The following TMEM161B variants were observed in gnomAD, a reference collection of about 807,000 sequenced individuals.
TMEM161B encodes the protein transmembrane protein 161B.
Under a neutral mutation model 61.8 loss-of-function variants are expected in TMEM161B, and 34 were observed. That is an observed-to-expected ratio of 0.55 (90% CI 0.42 to 0.73). TMEM161B has a LOEUF of 0.73. Ranked by LOEUF, TMEM161B falls within the 30% of genes least tolerant of loss-of-function variation. The pLI is 0.00. For synonymous variants in TMEM161B, 167 were observed against 192.8 expected (o/e 0.87, Z 1.11); for missense variants, 456 against 558.5 (o/e 0.82, Z 1.85).
At position 88,197,682 on chromosome 5, in the gene TMEM161B, A is replaced by G; in HGVS notation, c.1173T>C (p.Leu391=). Residue 391 remains leucine (L), a synonymous_variant, in exon 11 of 12, where the codon CTT becomes CTC. Transcript: ENST00000296595. ...GGGCATGCCTACCTAGTGTTTTCAA[A>G]AGCAGAGTTGTGTGAAGCAGCATTA... ...PLVMLLHTTL[L]LKTLGNHSWG... is the part of the protein sequence containing the mutation. The G allele has an allele frequency of 6.2e-7, 1 of 1,612,630 alleles. No individual in the cohort carries two copies. Among genetic ancestry groups the G allele is most frequent in the Non-Finnish European group, 8.5e-7 (1 of 1,179,038 alleles).
chr5:88,196,995 A>C (rs188347497), intron 11 of TMEM161B, among the ~76,000 whole-genome samples: 1 of 152,208 alleles, frequency 6.6e-6, no homozygotes, highest in Admixed American at 6.6e-5. Context: ...TGAACTACCT[A>C]TCCCTTTACA....
chr5:88,241,113 A>G (rs1752663709), intron 1 of TMEM161B, among the ~76,000 whole-genome samples, 197 bp from the exon 2 acceptor site: 1 of 151,916 alleles, frequency 6.6e-6, no homozygotes, highest in African/African-American at 2.4e-5. Flanking sequence ...ATACAGTAAA[A>G]AATAATACAA....
intron 1 of TMEM161B, among the ~76,000 whole-genome samples, chr5:88,251,983 G>C (rs1754393959): frequency 6.6e-6 from 1 of 152,168 alleles, no homozygotes; most frequent in African/African-American, 2.4e-5. Context: ...TACTATAAAA[G>C]AATTTGTCTT....
chr5:88,211,110 C>G (rs1746632397), intron 5 of TMEM161B, among the ~76,000 whole-genome samples: 1 of 151,478 alleles, frequency 6.6e-6, no homozygotes, highest in East Asian at 2.0e-4. Context: ...TTAGATGTAT[C>G]TAATACATCG....
At chr5:88,227,897 C>T (rs1283040897) in intron 3 of TMEM161B, among the ~76,000 whole-genome samples, 1 of 152,148 alleles carries the variant, frequency 6.6e-6, no homozygotes, top group African/African-American at 2.4e-5. Context: ...GTTTTGTTTA[C>T]TCTGTCCAAG....
chr5:88,254,851 T>C (rs1373956089), intron 1 of TMEM161B, among the ~76,000 whole-genome samples: 2 of 147,592 alleles, frequency 1.4e-5, no homozygotes, highest in Non-Finnish European at 3.0e-5. Context: ...GTAAAAAAAA[T>C]TTTAAGGGAA....
intron 1 of TMEM161B, among the ~76,000 whole-genome samples, chr5:88,248,162 C>T (rs192704679): frequency 2.0e-5 from 3 of 152,086 alleles, no homozygotes; most frequent in East Asian, 3.9e-4. Context: ...CCTGGGTCCC[C>T]AAAAGACAGA....
chr5:88,215,650 TA>T (rs1186059519), intron 5 of TMEM161B, among the ~76,000 whole-genome samples: 1 of 152,206 alleles, frequency 6.6e-6, no homozygotes. Flanking sequence ...GCCAGCGAGC[TA>T]CAGGATTCCT....
At chr5:88,244,784 C>A (rs926241715) in intron 1 of TMEM161B, among the ~76,000 whole-genome samples, 4 of 151,602 alleles carry the variant, frequency 2.6e-5, no homozygotes, top group Non-Finnish European at 5.9e-5. Context: ...GCATGGAATT[C>A]TTTTCCATTT....
downstream of TMEM161B, chr5:88,189,625 C>T (rs1425650549): frequency 6.3e-6 from 1 of 157,802 alleles, no homozygotes; most frequent in Admixed American, 6.4e-5. Flanking sequence ...GCTAACAGGG[C>T]ATCTCTCATT....
chr5:88,208,491 A>C (rs1746013246), intron 5 of TMEM161B, among the ~76,000 whole-genome samples: 1 of 151,918 alleles, frequency 6.6e-6, no homozygotes. Flanking sequence ...CCAAAAAAAA[A>C]ATTAGCCGGG....
At chr5:88,265,144 C>T (rs938803027) in intron 1 of TMEM161B, among the ~76,000 whole-genome samples, 5 of 152,154 alleles carry the variant, frequency 3.3e-5, no homozygotes, top group African/African-American at 9.6e-5. Context: ...CTTTATGCTA[C>T]CCCAAATTAT....
At chr5:88,190,009 C>T (rs986890965) in exon 13 of TMEM161B, 2 of 698,134 alleles carry the variant, frequency 2.9e-6, no homozygotes, top group African/African-American at 3.5e-5. Flanking sequence ...AGCCCATTAT[C>T]TGAGCCGATC....
At chr5:88,258,974 C>T (rs1755342904) in intron 1 of TMEM161B, among the ~76,000 whole-genome samples, 1 of 152,156 alleles carries the variant, frequency 6.6e-6, no homozygotes, top group South Asian at 2.1e-4. Context: ...GTATCAAGTA[C>T]TCACGGCATT....
Position 88,195,205 on chromosome 5 carries a change from C to T in TMEM161B, c.*1006G>A. The T allele has an allele frequency of 1.0e-6, 1 of 983,228 alleles. No homozygotes were observed. The highest frequency in any genetic ancestry group is 1.2e-6 in the Non-Finnish European group (1 of 827,758). The allele number at this position is 983,228 out of a possible 1,614,324, so 60.9% of individuals were successfully genotyped here. On this transcript the variant is annotated 3_prime_UTR_variant, in exon 12 of 12. Coordinates refer to ENST00000296595, the MANE Select transcript of TMEM161B (RefSeq NM_153354.5). The stretch of plus-strand genomic sequence containing the variant: ...CAACACAAATAAATTGCTTACTCTG[C>T]TGAACTTTCAAAATGTATTTTAATC...
chr5:88,186,627 T>C (rs1748369951), downstream of TMEM161B, among the ~76,000 whole-genome samples: 2 of 152,118 alleles, frequency 1.3e-5, no homozygotes, highest in African/African-American at 4.8e-5. Context: ...AATCTTTTAT[T>C]ATTAAAAACC....
chr5:88,198,919 T>A, intron 10 of TMEM161B, 57 bp downstream of exon 10: 1 of 1,493,690 alleles, frequency 6.7e-7, no homozygotes, highest in Non-Finnish European at 9.0e-7. Flanking sequence ...CAATTTTTTT[T>A]TTTTTTTACA....
intron 7 of TMEM161B, 83 bp downstream of exon 7, chr5:88,206,356 A>T: frequency 8.6e-7 from 1 of 1,166,234 alleles, no homozygotes; most frequent in Admixed American, 2.7e-5. Flanking sequence ...TACTAATTTA[A>T]AACAGCTATT....
intron 1 of TMEM161B, among the ~76,000 whole-genome samples, chr5:88,247,763 C>A (rs1408072983): frequency 6.6e-6 from 1 of 152,068 alleles, no homozygotes; most frequent in Non-Finnish European, 1.5e-5. Context: ...CAACAAACAT[C>A]ACTCAACTAC....
Sources: allele counts gnomAD v4.1 joint callset (sites outside exome capture counted in the v4.1 genomes callset), GRCh38; gene constraint gnomAD v4.1.1; transcripts MANE v1.5; gene names NCBI Gene and HGNC (gene_info 2026-07-23, HGNC 2026-07-21).